FOXK2: variants seen among roughly 807,000 people sequenced by gnomAD.
The protein encoded by FOXK2 is forkhead box protein K2.
A neutral mutation model predicts 53.3 loss-of-function variants in FOXK2; 24 were observed. The observed-to-expected ratio is 0.45, with a 90% CI of 0.33 to 0.63. The LOEUF (loss-of-function observed/expected upper bound fraction) is 0.63, where lower values mean the gene tolerates loss of function less well. FOXK2 is among the 30% of genes least tolerant of loss of function. The pLI, the probability that FOXK2 is intolerant of heterozygous loss-of-function variation, is 0.03. For missense variants in FOXK2, 952 were observed against 910.5 expected, an observed-to-expected ratio of 1.05 and a Z score of -0.59; for synonymous variants, 505 against 407.1, an observed-to-expected ratio of 1.24 and a Z score of -2.89.
At chr17:82,553,852 C>T (rs1245177441) in intron 1 of FOXK2, among the ~76,000 whole-genome samples, 6 of 151,712 alleles carry the variant, frequency 4.0e-5, no homozygotes, top group African/African-American at 7.3e-5. Context: ...TTTTATTTCC[C>T]GAGATGGAGT....
At chr17:82,573,536 A>ACTCTCTCTCT (rs373747209) in intron 4 of FOXK2, among the ~76,000 whole-genome samples, 5 of 138,826 alleles carry the variant, frequency 3.6e-5, no homozygotes, top group Non-Finnish European at 7.9e-5. Flanking sequence ...ACACACACAC[A>ACTCTCTCTCT]CTCTCTCTCT....
At position 82,586,185 on chromosome 17, in the gene FOXK2, C is replaced by A; in HGVS notation, c.1561C>A (p.His521Asn). The change falls in exon 7 of 9, where the codon CAC (histidine) becomes AAC (asparagine). Residue 521 changes from histidine (H) to asparagine (N), a missense_variant. Physicochemically the swap from His to Asn is moderately conservative, Grantham distance 68 (BLOSUM62 1). Coordinates refer to ENST00000335255, the MANE Select transcript of FOXK2 (RefSeq NM_004514.4). ...PKAEAQENGD[H>N]REVKVKVEPI... ...GGCAGAGGCCCAGGAGAATGGAGACCACAGGGAAGTCAAAGGTAGGCGGAG... is the reference window on the plus strand; with the variant it reads ...GGCAGAGGCCCAGGAGAATGGAGACAACAGGGAAGTCAAAGGTAGGCGGAG... 1 of 1,592,784 alleles carries A rather than the reference C, an allele frequency of 6.3e-7. No homozygotes were observed. The highest frequency in any genetic ancestry group is 8.5e-7 in the Non-Finnish European group (1 of 1,172,056).
At chr17:82,541,423 C>T (rs948951019) in intron 1 of FOXK2, among the ~76,000 whole-genome samples, 19 of 151,742 alleles carry the variant, frequency 1.3e-4, no homozygotes, top group African/African-American at 4.4e-4. Flanking sequence ...CAGGCGCCCG[C>T]CATCACGCCC....
At position 82,601,395 on chromosome 17, in the gene FOXK2, CCGGAGCTGA is replaced by C. The variant is rs1412149279; in HGVS notation, c.1880_1888del (p.Pro627_Lys630delinsGln). The C allele has an allele frequency of 6.2e-7, 1 of 1,613,256 alleles. No homozygotes were observed. The highest frequency in any genetic ancestry group is 8.5e-7 in the Non-Finnish European group (1 of 1,180,054). On this transcript the variant is annotated inframe_deletion, in exon 9 of 9. Coordinates refer to ENST00000335255, the MANE Select transcript of FOXK2 (RefSeq NM_004514.4). ...CCACAACGGTGACCAGCCGGAGCAG[CCGGAGCTGA>C]AGCGGATCAAGACAGAAGACGGCGA...
At position 82,603,937 on chromosome 17, in the gene FOXK2, T is replaced by C. The variant is rs946813923; in HGVS notation, c.*2438T>C. The C allele has an allele frequency of 6.6e-6, 1 of 152,130 alleles. No homozygotes were observed. Among genetic ancestry groups the C allele is most frequent in the Admixed American group, 6.5e-5 (1 of 15,282 alleles). 9.4% of individuals were successfully genotyped at this position (152,130 alleles called of 1,614,324 possible). ...CTCCCACACCGGGTTTTCTTGCCCGTCTTTAAGGCACTGTTTCTAAATTTT... is the reference window on the plus strand; with the variant it reads ...CTCCCACACCGGGTTTTCTTGCCCGCCTTTAAGGCACTGTTTCTAAATTTT... On this transcript the variant is annotated 3_prime_UTR_variant, in exon 9 of 9. Transcript: ENST00000335255.
intron 1 of FOXK2, among the ~76,000 whole-genome samples, chr17:82,559,877 G>T (rs1340331507): frequency 1.3e-5 from 2 of 152,092 alleles, no homozygotes; most frequent in East Asian, 3.8e-4. Context: ...TGGGTGACTT[G>T]AGAGATTAAG....
chr17:82,570,310 A>G (rs2044903368), intron 3 of FOXK2, among the ~76,000 whole-genome samples: 1 of 152,146 alleles, frequency 6.6e-6, no homozygotes, highest in South Asian at 2.1e-4. Flanking sequence ...TTGGACAAAA[A>G]AGCAAGATCC....
At chr17:82,566,713 G>A (rs1226775248) in intron 2 of FOXK2, among the ~76,000 whole-genome samples, 8 of 152,104 alleles carry the variant, frequency 5.3e-5, no homozygotes, top group East Asian at 1.9e-4. Flanking sequence ...TCCCAACTCC[G>A]CCTCTCCTCC....
intron 8 of FOXK2, among the ~76,000 whole-genome samples, chr17:82,594,508 A>G (rs906204188): frequency 6.6e-6 from 1 of 152,098 alleles, no homozygotes; most frequent in African/African-American, 2.4e-5. Flanking sequence ...AAAAAAAAAA[A>G]AAAAAAATGC....
intron 1 of FOXK2, among the ~76,000 whole-genome samples, chr17:82,529,586 A>T (rs189443346): frequency 6.6e-6 from 1 of 151,992 alleles, no homozygotes; most frequent in Non-Finnish European, 1.5e-5. Flanking sequence ...GGGTTTCACC[A>T]TGTTGGCCAG....
intron 8 of FOXK2, 41 bp from the exon 9 acceptor site, chr17:82,601,262 A>G: frequency 6.3e-7 from 1 of 1,588,294 alleles, no homozygotes; most frequent in Non-Finnish European, 8.6e-7. Flanking sequence ...GCGAGGGTTC[A>G]CGTGAGAGCG....
chr17:82,582,542 C>T (rs538717323), intron 4 of FOXK2, among the ~76,000 whole-genome samples, 199 bp from the exon 5 acceptor site: 57 of 152,288 alleles, frequency 3.7e-4, no homozygotes, highest in African/African-American at 1.3e-3. Flanking sequence ...TTCACGCTTC[C>T]CCATAGGATG....
intron 1 of FOXK2, among the ~76,000 whole-genome samples, chr17:82,525,606 A>G (rs1394783946): frequency 6.6e-6 from 1 of 152,198 alleles, no homozygotes; most frequent in Non-Finnish European, 1.5e-5. Context: ...CATGGTAACA[A>G]ACTAAGTATA....
chr17:82,552,391 C>T (rs945378079), intron 1 of FOXK2, among the ~76,000 whole-genome samples: 1 of 152,132 alleles, frequency 6.6e-6, no homozygotes, highest in Non-Finnish European at 1.5e-5. Flanking sequence ...TCTGTGCCTG[C>T]CCTGGTGAGA....
At chr17:82,547,206 A>G (rs1421662038) in intron 1 of FOXK2, among the ~76,000 whole-genome samples, 1 of 152,168 alleles carries the variant, frequency 6.6e-6, no homozygotes, top group East Asian at 1.9e-4. Context: ...TAGAATATTC[A>G]GGGTGTAGTA....
chr17:82,551,447 G>A (rs751915751), intron 1 of FOXK2, among the ~76,000 whole-genome samples: 4 of 152,132 alleles, frequency 2.6e-5, no homozygotes, highest in Admixed American at 6.5e-5. Flanking sequence ...AGGTCAAGGC[G>A]GGTGGATCAC....
At chr17:82,574,171 T>C (rs1419629102) in intron 4 of FOXK2, among the ~76,000 whole-genome samples, 1 of 152,208 alleles carries the variant, frequency 6.6e-6, no homozygotes, top group Non-Finnish European at 1.5e-5. Context: ...TTCTCTCCTG[T>C]CTAGATGGAG....
chr17:82,560,001 CT>C (rs10583366), intron 1 of FOXK2, among the ~76,000 whole-genome samples: 24,563 of 97,150 alleles, frequency 0.25, 3,098 homozygotes, highest in Non-Finnish European at 0.33. Context: ...TCTGGATAGA[CT>C]TTTTTTTTTT....
At chr17:82,590,186 T>A (rs2045239059) in intron 8 of FOXK2, among the ~76,000 whole-genome samples, 1 of 152,184 alleles carries the variant, frequency 6.6e-6, no homozygotes, top group Non-Finnish European at 1.5e-5. Context: ...GCAGATGGGC[T>A]TTAAGAAAAG....
Sources: allele counts gnomAD v4.1 joint callset (sites outside exome capture counted in the v4.1 genomes callset), GRCh38; gene constraint gnomAD v4.1.1; transcripts MANE v1.5; gene names NCBI Gene and HGNC (gene_info 2026-07-23, HGNC 2026-07-21).